Variants in LDHB observed in about 807,000 individuals in gnomAD.
The protein encoded by LDHB is lactate dehydrogenase B, also known as L-lactate dehydrogenase B chain.
Under a neutral mutation model 33.4 loss-of-function variants are expected in LDHB, and 18 were observed. The ratio of observed to expected loss-of-function variants is 0.54; its 90% CI spans 0.37 to 0.80. LDHB has a LOEUF of 0.80. LDHB is among the 30% of genes least tolerant of loss of function. The probability of loss-of-function intolerance (pLI) is 0.00; values close to 1 mark genes in which losing one functional copy is unlikely to be tolerated. For missense variants in LDHB, 345 were observed against 407.9 expected (o/e 0.85, Z 1.33); for synonymous variants, 121 against 140.6 (o/e 0.86, Z 0.98).
intron 2 of LDHB, among the ~76,000 whole-genome samples, chr12:21,650,054 T>C (rs1475344439): frequency 1.3e-5 from 2 of 150,486 alleles, no homozygotes; most frequent in Middle Eastern, 3.4e-3. Flanking sequence ...ATTCTGCCAC[T>C]GTGCTCCAGC....
intron 3 of LDHB, among the ~76,000 whole-genome samples, chr12:21,644,468 G>C (rs1397496653): frequency 2.5e-5 from 2 of 81,348 alleles, no homozygotes; most frequent in Non-Finnish European, 5.3e-5. Flanking sequence ...CCAATTTTAA[G>C]TTACTTTTAT....
chr12:21,649,688 T>C (rs1938625411), intron 2 of LDHB, among the ~76,000 whole-genome samples: 1 of 152,192 alleles, frequency 6.6e-6, no homozygotes, highest in Non-Finnish European at 1.5e-5. Context: ...AAAAGGCTTT[T>C]AATCTAAAGT....
chr12:21,637,283 T>A, intron 6 of LDHB, 89 bp from the exon 7 acceptor site: 1 of 1,017,694 alleles, frequency 9.8e-7, no homozygotes, highest in Non-Finnish European at 1.5e-6. Context: ...TGTCTCTAAC[T>A]ATAATCTTGG....
In LDHB at chr12:21,638,619, G is replaced by T. The variant is rs1938282171; in HGVS notation, c.596-149C>A. ...ATAAGTGACTCTCCAGTAGATTCCA[G>T]TATAGTTCCCCAAAAAGGCTGACGT... On this transcript the variant is annotated intron_variant, in intron 5 of 7. Transcript: ENST00000350669. The T allele has an allele frequency of 4.7e-6, 3 of 633,852 alleles. No individual in the cohort carries two copies. In the Middle Eastern group the frequency reaches 1.2e-3, roughly 264 times the overall value. The allele number at this position is 633,852 out of a possible 1,614,324, so 39.3% of individuals were successfully genotyped here.
intron 5 of LDHB, among the ~76,000 whole-genome samples, chr12:21,638,865 A>G (rs1418381427): frequency 1.3e-5 from 2 of 151,972 alleles, no homozygotes; most frequent in Non-Finnish European, 2.9e-5. Flanking sequence ...TTTATTCTAC[A>G]GTAAAGAAAA....
chr12:21,650,237 T>C (rs1343536397), intron 2 of LDHB, among the ~76,000 whole-genome samples: 2 of 152,202 alleles, frequency 1.3e-5, no homozygotes, highest in African/African-American at 2.4e-5. Context: ...TAAATGGATA[T>C]GTGCCATCTA....
At chr12:21,639,293 A>G (rs1324548238) in intron 5 of LDHB, among the ~76,000 whole-genome samples, 1 of 151,974 alleles carries the variant, frequency 6.6e-6, no homozygotes, top group African/African-American at 2.4e-5. Flanking sequence ...ATCAACATGA[A>G]AAATTTTAAA....
At chr12:21,645,205 A>T (rs1938486007) in intron 3 of LDHB, among the ~76,000 whole-genome samples, 2 of 146,078 alleles carry the variant, frequency 1.4e-5, no homozygotes, top group Non-Finnish European at 3.0e-5. Flanking sequence ...ACCACTCCCT[A>T]ATCTCAAGTA....
intron 5 of LDHB, 78 bp downstream of exon 5, chr12:21,641,874 T>C (rs780057726): frequency 2.7e-5 from 34 of 1,269,954 alleles, no homozygotes; most frequent in Non-Finnish European, 3.7e-5. Flanking sequence ...TCTATAAAAA[T>C]AAAATTTGAA....
At position 21,657,786 on chromosome 12, in the gene LDHB, T is replaced by C. The variant is rs557461940; in HGVS notation, c.-42A>G. Reference sequence around the variant, plus strand: ...AAGGCTCTGGAGACCTCTGTAACAGTCGTGCGGAGAAGACAAAGTCAGCTG... The same window carrying C: ...AAGGCTCTGGAGACCTCTGTAACAGCCGTGCGGAGAAGACAAAGTCAGCTG... On this transcript the variant is annotated 5_prime_UTR_variant, in exon 1 of 8. Transcript: ENST00000350669. The C allele has an allele frequency of 6.6e-6, 1 of 152,366 alleles. No individual in the cohort carries two copies. Among genetic ancestry groups the C allele is most frequent in the East Asian group, 1.9e-4 (1 of 5,174 alleles). The allele number at this position is 152,366 out of a possible 1,614,324, so 9.4% of individuals were successfully genotyped here.
At chr12:21,648,014 T>A (rs769973663) in intron 2 of LDHB, among the ~76,000 whole-genome samples, 2 of 132,278 alleles carry the variant, frequency 1.5e-5, no homozygotes, top group African/African-American at 5.6e-5. Flanking sequence ...ATTTTCTCAA[T>A]ATCTACATAA....
chr12:21,645,803 T>C (rs1025052411), intron 3 of LDHB, among the ~76,000 whole-genome samples: 4 of 152,144 alleles, frequency 2.6e-5, no homozygotes, highest in Non-Finnish European at 5.9e-5. Flanking sequence ...GTCCTCCGTA[T>C]GCTGAGTGCC....
chr12:21,653,456 A>G (rs563354381), intron 2 of LDHB, among the ~76,000 whole-genome samples: 1 of 152,284 alleles, frequency 6.6e-6, no homozygotes, highest in South Asian at 2.1e-4. Flanking sequence ...CTCCCACAAA[A>G]CTGGTTCCCT....
chr12:21,647,026 C>G lies in LDHB; in HGVS notation c.130-10G>C. The G allele has an allele frequency of 6.5e-7, 1 of 1,532,580 alleles. No individual in the cohort carries two copies. Among genetic ancestry groups the G allele is most frequent in the Non-Finnish European group, 9.0e-7 (1 of 1,109,028 alleles). The allele number at this position is 1,532,580 out of a possible 1,614,324, so 94.9% of individuals were successfully genotyped here. Reference sequence around the variant, plus strand: ...GTTCATCAGCCAGAGACTGTAAACGCAAAAACAGGCATTAGAACCCTAAGC... The same window carrying G: ...GTTCATCAGCCAGAGACTGTAAACGGAAAAACAGGCATTAGAACCCTAAGC... On this transcript the variant is annotated splice_polypyrimidine_tract_variant and intron_variant, in intron 2 of 7. Transcript: ENST00000350669.
chr12:21,643,809 T>C, intron 4 of LDHB, 126 bp downstream of exon 4: 1 of 760,284 alleles, frequency 1.3e-6, no homozygotes. Flanking sequence ...TTAGGGCCAA[T>C]GAAAGAAGAC....
Position 21,657,821 on chromosome 12 carries a change from C to A in LDHB, c.-77G>T, listed in dbSNP as rs1938906194. 6.6e-6 allele frequency: 1 copy of A among 152,524 alleles called. No individual in the cohort carries two copies. Among genetic ancestry groups the A allele is most frequent in the Non-Finnish European group, 1.5e-5 (1 of 68,274 alleles). The allele number at this position is 152,524 out of a possible 1,614,324, so 9.4% of individuals were successfully genotyped here. A position where few individuals can be genotyped will look rare whatever the true frequency, so the allele number is the denominator to read the frequency against. ...AAGACAAAGTCAGCTGCGTGCGTCTCCTCCGGCGCCGGCTCTGCAAGGAGG... is the reference window on the plus strand; with the variant it reads ...AAGACAAAGTCAGCTGCGTGCGTCTACTCCGGCGCCGGCTCTGCAAGGAGG... On this transcript the variant is annotated 5_prime_UTR_variant, in exon 1 of 8. Transcript: ENST00000350669.
intron 7 of LDHB, 146 bp downstream of exon 7, chr12:21,636,925 G>A: frequency 2.7e-6 from 2 of 751,176 alleles, no homozygotes; most frequent in Non-Finnish European, 2.3e-6. Context: ...GACTTCTGTT[G>A]GAAAATGAGA....
Position 21,635,514 on chromosome 12 carries a change from T to TAA in LDHB, c.*26_*27dup, listed in dbSNP as rs777019458. 20 of 1,590,858 alleles carry TAA rather than the reference T, an allele frequency of 1.3e-5. No individual in the cohort carries two copies. The highest frequency in any genetic ancestry group is 1.6e-5 in the Non-Finnish European group (19 of 1,160,808). On this transcript the variant is annotated 3_prime_UTR_variant, in exon 8 of 8. Coordinates refer to ENST00000350669, the MANE Select transcript of LDHB (RefSeq NM_002300.8). The stretch of plus-strand genomic sequence containing the variant: ...CTCGAGTTAATCACATTGTAGTTTT[T>TAA]AAATTTCTACAGCCTAGAGCTCACT...
rs2136987183 is a variant in LDHB, at chr12:21,656,428, A to T, written c.-7+1323T>A. 1.3e-5 allele frequency among the ~76,000 whole-genome samples: 2 copies of T among 152,316 alleles called. 1 individual carries two copies. Among genetic ancestry groups the T allele is most frequent in the South Asian group, 4.1e-4 (2 of 4,826 alleles). ...ATTTTAAACAGGCTCAGAAGAAAGA[A>T]TGCTGCATCTCTTTTTGAAGGACGA... On this transcript the variant is annotated intron_variant, in intron 1 of 7. Transcript: ENST00000350669.
Sources: gnomAD v4.1 joint callset for allele counts (sites outside exome capture counted in the v4.1 genomes callset) on GRCh38, gnomAD v4.1.1 for gene constraint, MANE v1.5 for transcripts, NCBI Gene and HGNC (gene_info 2026-07-23, HGNC 2026-07-21) for gene names.